AIG1: variants seen among roughly 807,000 people sequenced by gnomAD.
AIG1 encodes the protein androgen induced 1.
A neutral mutation model predicts 31.4 loss-of-function variants in AIG1; 23 were observed. The ratio of observed to expected loss-of-function variants is 0.73; its 90% confidence interval spans 0.53 to 1.04. The LOEUF (loss-of-function observed/expected upper bound fraction) is 1.04, where lower values mean the gene tolerates loss of function less well. AIG1 is among the 50% of genes least tolerant of loss of function. The probability of loss-of-function intolerance (pLI) is 0.00; values close to 1 mark genes in which losing one functional copy is unlikely to be tolerated. For missense variants in AIG1, 274 were observed against 295.0 expected (o/e 0.93, Z 0.52); for synonymous variants, 100 against 110.5 (o/e 0.90, Z 0.60).
chr6:143,336,084 C>A (rs1777468225), intron 5 of AIG1, among the ~76,000 whole-genome samples: 1 of 152,106 alleles, frequency 6.6e-6, no homozygotes, highest in South Asian at 2.1e-4. Context: ...GCTGTTGAGT[C>A]AAAAACTACT....
chr6:143,146,972 G>A (rs1483683682), intron 2 of AIG1, among the ~76,000 whole-genome samples: 2 of 152,180 alleles, frequency 1.3e-5, no homozygotes. Context: ...GGGAAGGTGG[G>A]AAGATGAGGA....
intron 2 of AIG1, chr6:143,164,865 A>G: frequency 2.4e-6 from 1 of 414,098 alleles, no homozygotes; most frequent in Non-Finnish European, 4.4e-6. Flanking sequence ...TGCCTGAAAG[A>G]ACACCATTCG....
rs1446499864 is a variant in AIG1, at chr6:143,260,374, A to C, written c.400-23736A>C. ...CTATCCCATCCAACTTCTTCAGTTC[A>C]GTATATATTGTTGTGTTTGGTGTTT... On this transcript the variant is annotated intron_variant, in intron 3 of 5. Coordinates refer to ENST00000357847, the MANE Select transcript of AIG1 (RefSeq NM_016108.4). Among the ~76,000 whole-genome samples, 2 of 152,180 alleles carry C rather than the reference A, an allele frequency of 1.3e-5. 1 individual carries two copies.
At chr6:143,305,787 T>G (rs1376251536) in intron 4 of AIG1, among the ~76,000 whole-genome samples, 5 of 151,892 alleles carry the variant, frequency 3.3e-5, no homozygotes, top group African/African-American at 9.7e-5. Flanking sequence ...CCTTGTTAAC[T>G]TTCTGTCTCG....
In AIG1 at chr6:143,291,479, G is replaced by A. The variant is rs1052259506; in HGVS notation, c.515+7254G>A. On this transcript the variant is annotated intron_variant, in intron 4 of 5. Transcript: ENST00000357847. This position sits in a 1 kb window ranked among gnomAD's most constrained non-coding sequence, Gnocchi z 4.2. ...CTGCAAACCTCACACTTATGCACCC[G>A]ACGCAGAGGTGAGCACCTGGACTTC... is the stretch of plus-strand genomic sequence containing the variant. 1.3e-5 allele frequency among the ~76,000 whole-genome samples: 2 copies of A among 152,138 alleles called. No individual in the cohort carries two copies. Among genetic ancestry groups the A allele is most frequent in the Non-Finnish European group, 2.9e-5 (2 of 68,030 alleles).
chr6:143,137,562 ACTT>A (rs551074635), intron 2 of AIG1, among the ~76,000 whole-genome samples: 87 of 152,298 alleles, frequency 5.7e-4, no homozygotes, highest in Admixed American at 2.9e-3. Context: ...ATTAGCTCAT[ACTT>A]CTTCAGTTAC....
At chr6:143,140,690 G>C (rs1016486632) in intron 2 of AIG1, among the ~76,000 whole-genome samples, 5 of 152,190 alleles carry the variant, frequency 3.3e-5, no homozygotes, top group Admixed American at 1.3e-4. Context: ...GAGCATTAAT[G>C]GCCAGGAACT....
At chr6:143,222,628 T>C (rs1326383403) in intron 3 of AIG1, among the ~76,000 whole-genome samples, 1 of 152,218 alleles carries the variant, frequency 6.6e-6, no homozygotes, top group African/African-American at 2.4e-5. Flanking sequence ...AACTCTCTGC[T>C]ACCAATTTCT....
rs1288556649 is a variant in AIG1, at chr6:143,327,153, A to T, written c.516-6129A>T. Reference sequence around the variant, plus strand: ...AGAAATGCTTCTAACACAAATTAAGATGCTGGTGATGCACATGGGAAAAAT... The same window carrying T: ...AGAAATGCTTCTAACACAAATTAAGTTGCTGGTGATGCACATGGGAAAAAT... On this transcript the variant is annotated intron_variant, in intron 4 of 5. Coordinates refer to ENST00000357847, the MANE Select transcript of AIG1 (RefSeq NM_016108.4). The surrounding 1 kb of genome is among the most constrained non-coding windows in gnomAD (Gnocchi z 5.3). The T allele has an allele frequency of 1.9e-5, 3 of 157,940 alleles. No homozygotes were observed. The highest frequency in any genetic ancestry group is 7.2e-5 in the African/African-American group (3 of 41,484). The allele number at this position is 157,940 out of a possible 1,614,324, so 9.8% of individuals were successfully genotyped here. A position where few individuals can be genotyped will look rare whatever the true frequency, so the allele number is the denominator to read the frequency against.
At chr6:143,206,531 A>G (rs934804408) in intron 3 of AIG1, among the ~76,000 whole-genome samples, 2 of 152,186 alleles carry the variant, frequency 1.3e-5, no homozygotes, top group Admixed American at 1.3e-4. Context: ...ATTTTCAAAT[A>G]TCCATTTGAT....
Position 143,209,324 on chromosome 6 carries a change from C to T in AIG1, c.399+44141C>T, listed in dbSNP as rs577377904. ...TGTCCCCCAAAGGAGTCCTAATCCC[C>T]GGAACTTGTGAATACGTTATGTTAC... On this transcript the variant is annotated intron_variant, in intron 3 of 5. Transcript: ENST00000357847. 2.3e-4 allele frequency among the ~76,000 whole-genome samples: 35 copies of T among 152,214 alleles called. No homozygotes were observed. The South Asian group carries it at 4.6e-3, about 20-fold the overall frequency.
rs1787415488 is a variant in AIG1, at chr6:143,170,628, A to G, written c.399+5445A>G. ...TGATCTTTTGAAATTTTTTGTCTCTATTTCAATTCTGTTCTGGTATTTATT... is the reference window on the plus strand; with the variant it reads ...TGATCTTTTGAAATTTTTTGTCTCTGTTTCAATTCTGTTCTGGTATTTATT... On this transcript the variant is annotated intron_variant, in intron 3 of 5. Coordinates refer to ENST00000357847, the MANE Select transcript of AIG1 (RefSeq NM_016108.4). Among the ~76,000 whole-genome samples, 3 of 147,598 alleles carry G rather than the reference A, an allele frequency of 2.0e-5. No individual in the cohort carries two copies. The South Asian group carries it at 6.4e-4, about 31-fold the overall frequency.
At chr6:143,177,218 A>C (rs184855895) in intron 3 of AIG1, among the ~76,000 whole-genome samples, 6 of 152,164 alleles carry the variant, frequency 3.9e-5, no homozygotes, top group African/African-American at 1.4e-4. Flanking sequence ...GATTTCATTG[A>C]ATCTATTTGT....
chr6:143,302,040 A>G (rs1798860918), intron 4 of AIG1, among the ~76,000 whole-genome samples: 1 of 152,130 alleles, frequency 6.6e-6, no homozygotes, highest in African/African-American at 2.4e-5. Context: ...GACAAATAGA[A>G]CTCAATGGTG....
chr6:143,159,717 A>G (rs1786151795), intron 2 of AIG1, among the ~76,000 whole-genome samples: 1 of 152,184 alleles, frequency 6.6e-6, no homozygotes, highest in Admixed American at 6.5e-5. Flanking sequence ...GTCAGAAGGA[A>G]AGGACTTGGA....
intron 1 of AIG1, among the ~76,000 whole-genome samples, chr6:143,079,779 C>CTT (rs78637706): frequency 1.4e-3 from 152 of 106,952 alleles, no homozygotes; most frequent in Non-Finnish European, 2.2e-3. Context: ...GGATAGATTC[C>CTT]TTTTTTTTTT....
At chr6:143,178,148 A>G (rs1299482759) in intron 3 of AIG1, among the ~76,000 whole-genome samples, 1 of 152,130 alleles carries the variant, frequency 6.6e-6, no homozygotes, top group Non-Finnish European at 1.5e-5. Context: ...TTCCCACTGT[A>G]TTAGACTGCC....
At chr6:143,248,248 T>C (rs957513951) in intron 3 of AIG1, among the ~76,000 whole-genome samples, 6 of 152,202 alleles carry the variant, frequency 3.9e-5, no homozygotes, top group Non-Finnish European at 7.3e-5. Flanking sequence ...AGGGAGGATA[T>C]TGATAGTCAT....
intron 3 of AIG1, among the ~76,000 whole-genome samples, chr6:143,177,332 G>A (rs1329920943): frequency 6.6e-6 from 1 of 152,124 alleles, no homozygotes; most frequent in East Asian, 1.9e-4. Context: ...GAGAATTGTT[G>A]TGTTCTTTTG....
Sources: allele counts gnomAD v4.1 joint callset (sites outside exome capture counted in the v4.1 genomes callset), GRCh38; gene constraint gnomAD v4.1.1; non-coding constraint Gnocchi (gnomAD v3.1); transcripts MANE v1.5; gene names NCBI Gene and HGNC (gene_info 2026-07-23, HGNC 2026-07-21).